Variants in SPAG16 observed in about 807,000 individuals in gnomAD.
SPAG16 encodes sperm associated antigen 16.
In SPAG16, 86 loss-of-function variants were observed where a neutral mutation model predicts 80.4. That is an observed-to-expected ratio of 1.07 (90% CI 0.90 to 1.28). The LOEUF (loss-of-function observed/expected upper bound fraction) is 1.28. SPAG16 is among the 50% of genes most tolerant of loss of function. The probability of loss-of-function intolerance (pLI) is 0.00; values close to 1 mark genes in which losing one functional copy is unlikely to be tolerated. For missense variants in SPAG16, 870 were observed against 765.3 expected, an observed-to-expected ratio of 1.14 and a Z score of -1.61; for synonymous variants, 294 against 265.9, an observed-to-expected ratio of 1.11 and a Z score of -1.03.
chr2:213,598,898 A>G (rs2060968214), intron 10 of SPAG16, among the ~76,000 whole-genome samples: 1 of 152,166 alleles, frequency 6.6e-6, no homozygotes, highest in Non-Finnish European at 1.5e-5. Context: ...AACTCTGTGG[A>G]CAACCTAGTT....
At position 214,108,479 on chromosome 2, in the gene SPAG16, A is replaced by ACACACACCCC. The variant is rs71409874; in HGVS notation, c.1593+219_1593+220insACACACCCCC. ...CACACACACACACACACACACACACACCCCCACACACACCCCAAGTCGTAG... is the reference window on the plus strand; with the variant it reads ...CACACACACACACACACACACACACACACACACCCCCCCCCACACACACCCCAAGTCGTAG... On this transcript the variant is annotated intron_variant, in intron 14 of 15. Transcript: ENST00000331683. 1.3e-4 allele frequency among the ~76,000 whole-genome samples: 7 copies of ACACACACCCC among 52,410 alleles called. No individual in the cohort carries two copies. In the East Asian group the frequency reaches 2.5e-3, roughly 18 times the overall value. The allele number at this position is 52,410 out of a possible 152,430, so 34.4% of individuals were successfully genotyped here.
intron 3 of SPAG16, among the ~76,000 whole-genome samples, chr2:213,304,691 C>T (rs1040395175): frequency 3.4e-4 from 51 of 152,076 alleles, no homozygotes; most frequent in African/African-American, 1.1e-3. Flanking sequence ...TCACTGTAGA[C>T]GTATGGATGT....
intron 15 of SPAG16, among the ~76,000 whole-genome samples, chr2:214,232,157 A>G (rs1688744137): frequency 6.6e-6 from 1 of 151,992 alleles, no homozygotes; most frequent in Non-Finnish European, 1.5e-5. Flanking sequence ...TTATTCTTGC[A>G]GTCATAGTTA....
intron 10 of SPAG16, among the ~76,000 whole-genome samples, chr2:213,510,179 T>G (rs2075165202): frequency 1.3e-5 from 2 of 152,128 alleles, no homozygotes; most frequent in South Asian, 4.1e-4. Flanking sequence ...TCCTAGTTAT[T>G]TTCATATCAC....
chr2:213,327,426 C>G (rs969837672), intron 5 of SPAG16, among the ~76,000 whole-genome samples: 14 of 152,048 alleles, frequency 9.2e-5, no homozygotes, highest in African/African-American at 3.4e-4. Flanking sequence ...GTCAGAAAAA[C>G]TTTAAGGTCT....
intron 15 of SPAG16, among the ~76,000 whole-genome samples, chr2:214,199,842 A>T (rs1166872305): frequency 6.6e-6 from 1 of 152,066 alleles, no homozygotes; most frequent in Admixed American, 6.6e-5. Context: ...ATTCCAAAGT[A>T]TTTGAATTGT....
At chr2:213,396,630 C>A (rs2068047384) in intron 9 of SPAG16, 1 of 456,306 alleles carries the variant, frequency 2.2e-6, no homozygotes, top group Non-Finnish European at 4.4e-6. Context: ...TAAGACCGTA[C>A]CTCTGCAGGA....
intron 15 of SPAG16, among the ~76,000 whole-genome samples, chr2:214,289,138 T>C (rs1032398640): frequency 1.3e-5 from 2 of 152,208 alleles, no homozygotes; most frequent in Non-Finnish European, 2.9e-5. Flanking sequence ...ATATTTCAGA[T>C]ATTAGCCTCT....
chr2:213,867,926 C>CAAA (rs35795865), intron 11 of SPAG16, among the ~76,000 whole-genome samples: 143 of 45,700 alleles, frequency 3.1e-3, no homozygotes, highest in African/African-American at 7.6e-3. Flanking sequence ...TCTGTCTCAA[C>CAAA]AAAAAAAAAA....
chr2:214,316,716 T>C (rs10804224), intron 15 of SPAG16, among the ~76,000 whole-genome samples: 66,136 of 152,100 alleles, frequency 0.43, 16,109 homozygotes, highest in South Asian at 0.61. Flanking sequence ...TTTTCTTCAA[T>C]TTTTTATCTA....
At chr2:214,046,720 A>G (rs2049344618) in intron 13 of SPAG16, among the ~76,000 whole-genome samples, 1 of 152,206 alleles carries the variant, frequency 6.6e-6, no homozygotes, top group African/African-American at 2.4e-5. Flanking sequence ...AATAAAAAAT[A>G]TCCAAATTGG....
At chr2:214,049,538 A>G (rs547884943) in intron 13 of SPAG16, among the ~76,000 whole-genome samples, 40 of 152,376 alleles carry the variant, frequency 2.6e-4, no homozygotes, top group African/African-American at 8.9e-4. Context: ...AGTTGATGGC[A>G]GGAGTTTCTG....
At chr2:213,889,267 T>C (rs1165730277) in intron 11 of SPAG16, among the ~76,000 whole-genome samples, 2 of 151,916 alleles carry the variant, frequency 1.3e-5, no homozygotes, top group Non-Finnish European at 2.9e-5. Context: ...CTATATAGTG[T>C]ATAAATATAT....
At chr2:214,211,009 T>G (rs889906059) in intron 15 of SPAG16, among the ~76,000 whole-genome samples, 1 of 152,232 alleles carries the variant, frequency 6.6e-6, no homozygotes, top group East Asian at 1.9e-4. Context: ...ATGAACGTTA[T>G]GCACCATGTC....
intron 13 of SPAG16, among the ~76,000 whole-genome samples, chr2:214,070,166 T>G (rs991439692): frequency 6.6e-6 from 1 of 152,038 alleles, no homozygotes; most frequent in Non-Finnish European, 1.5e-5. Context: ...TTTTTCAAGT[T>G]TGTTATTTGC....
intron 3 of SPAG16, among the ~76,000 whole-genome samples, chr2:213,309,345 A>G (rs1303066008): frequency 6.6e-6 from 1 of 152,120 alleles, no homozygotes; most frequent in African/African-American, 2.4e-5. Context: ...GATCTAGTTG[A>G]TAGACTGACT....
chr2:213,828,693 C>A (rs1233718400), intron 10 of SPAG16, among the ~76,000 whole-genome samples: 1 of 152,258 alleles, frequency 6.6e-6, no homozygotes. Context: ...TTTGAAGAGG[C>A]TTTGGTGTTT....
At chr2:213,348,042 AGGACTT>A (rs1185867879) in intron 6 of SPAG16, among the ~76,000 whole-genome samples, 1 of 152,158 alleles carries the variant, frequency 6.6e-6, no homozygotes, top group Non-Finnish European at 1.5e-5. Flanking sequence ...TAGGTCTCTA[AGGACTT>A]GCTTTAAGAA....
chr2:213,308,260 T>G (rs1348474462), intron 3 of SPAG16, among the ~76,000 whole-genome samples: 1 of 152,180 alleles, frequency 6.6e-6, no homozygotes, highest in Non-Finnish European at 1.5e-5. Flanking sequence ...TACACTGACT[T>G]ACATGATATA....
Sources: allele counts gnomAD v4.1 joint callset (sites outside exome capture counted in the v4.1 genomes callset), GRCh38; gene constraint gnomAD v4.1.1; transcripts MANE v1.5; gene names NCBI Gene and HGNC (gene_info 2026-07-23, HGNC 2026-07-21).